Variants in RCOR3 observed in about 807,000 individuals in gnomAD.
The protein encoded by RCOR3 is REST corepressor 3.
A neutral mutation model predicts 64.1 loss-of-function variants in RCOR3; 13 were observed. The observed-to-expected ratio is 0.20, with a 90% CI of 0.13 to 0.32. The LOEUF (loss-of-function observed/expected upper bound fraction) is 0.32. Ranked by LOEUF, RCOR3 falls within the 10% of genes least tolerant of loss-of-function variation. The pLI is 1.00. For missense variants in RCOR3, 489 were observed against 701.2 expected, an observed-to-expected ratio of 0.70 and a Z score of 3.42; for synonymous variants, 215 against 239.0, an observed-to-expected ratio of 0.90 and a Z score of 0.93.
chr1:211,276,592 T>A (rs1339517592), intron 5 of RCOR3, among the ~76,000 whole-genome samples, 174 bp downstream of exon 5: 1 of 152,234 alleles, frequency 6.6e-6, no homozygotes, highest in African/African-American at 2.4e-5. Context: ...TACATGACAG[T>A]TATGTGCTAT....
intron 2 of RCOR3, among the ~76,000 whole-genome samples, chr1:211,263,637 GTTA>G (rs1239682234): frequency 6.6e-6 from 1 of 152,044 alleles, no homozygotes; most frequent in African/African-American, 2.4e-5. Flanking sequence ...TAGATTATTA[GTTA>G]TTGGGCATTT....
Position 211,292,633 on chromosome 1 carries a change from A to G in RCOR3, c.940-3043A>G, listed in dbSNP as rs535815247. Among the ~76,000 whole-genome samples the G allele has an allele frequency of 2.0e-5, 3 of 152,316 alleles. No individual in the cohort carries two copies. The South Asian group carries it at 6.2e-4, about 32-fold the overall frequency. On this transcript the variant is annotated intron_variant, in intron 8 of 11. Coordinates refer to ENST00000419091, the MANE Select transcript of RCOR3 (RefSeq NM_001136223.3). ...GCTACTTTTATGTCACAAACATCTC[A>G]TATGCAGTGTTCAAACTGAGTTCTT... is the stretch of plus-strand genomic sequence containing the variant.
At chr1:211,283,217 G>C (rs1698065127) in intron 7 of RCOR3, among the ~76,000 whole-genome samples, 1 of 152,204 alleles carries the variant, frequency 6.6e-6, no homozygotes, top group Non-Finnish European at 1.5e-5. Flanking sequence ...AGAAATTATG[G>C]AGGTGTTTTC....
Position 211,260,154 on chromosome 1 carries a change from A to T in RCOR3, c.213A>T (p.Glu71Asp). 1 of 1,611,994 alleles carries T rather than the reference A, an allele frequency of 6.2e-7. No homozygotes were observed. The highest frequency in any genetic ancestry group is 8.5e-7 in the Non-Finnish European group (1 of 1,178,794). ...VGAEYQARIPEFDPGATKYTD... is the reference protein window; with the variant it reads ...VGAEYQARIPDFDPGATKYTD... The stretch of plus-strand genomic sequence containing the variant: ...CCGAATACCAAGCTCGGATCCCTGA[A>T]TTTGATCCAGGTAGATATATTTGCT... Residue 71 changes from glutamate to aspartate, a missense_variant, in exon 2 of 12, where the codon GAA (glutamate) becomes GAT (aspartate). This residue lies in a region of RCOR3 where 402 missense variants were observed against 617.0 expected (regional missense o/e 0.65). Coordinates refer to ENST00000419091, the MANE Select transcript of RCOR3 (RefSeq NM_001136223.3).
intron 9 of RCOR3, 31 bp from the exon 10 acceptor site, chr1:211,304,052 C>CTAA: frequency 6.5e-7 from 1 of 1,529,784 alleles, no homozygotes; most frequent in Non-Finnish European, 8.9e-7. Context: ...TCTTCATATC[C>CTAA]TCATTAGGAA....
chr1:211,260,922 C>T (rs549682359), intron 2 of RCOR3: 1 of 152,352 alleles, frequency 6.6e-6, no homozygotes, highest in East Asian at 1.9e-4. Context: ...TACTTTTCTC[C>T]AAACAGGCTC....
At chr1:211,293,789 G>A (rs1288016723) in intron 8 of RCOR3, among the ~76,000 whole-genome samples, 1 of 152,104 alleles carries the variant, frequency 6.6e-6, no homozygotes. Flanking sequence ...CATTTTAGCT[G>A]TGGTTTTAAG....
At chr1:211,276,461 A>T (rs759634765) in intron 5 of RCOR3, 43 bp downstream of exon 5, 1 of 1,511,418 alleles carries the variant, frequency 6.6e-7, no homozygotes, top group Non-Finnish European at 9.0e-7. Context: ...TGTGAATGAT[A>T]TCTTAAGCTA....
At position 211,289,277 on chromosome 1, in the gene RCOR3, C is replaced by A; in HGVS notation, c.820C>A (p.Arg274Ser). 1 of 1,614,064 alleles carries A rather than the reference C, an allele frequency of 6.2e-7. No homozygotes were observed. Among genetic ancestry groups the A allele is most frequent in the South Asian group, 1.1e-5 (1 of 91,072 alleles). Residue 274 changes from arginine (R) to serine (S), a missense_variant, in exon 8 of 12, where the codon CGT becomes AGT. Coordinates refer to ENST00000419091, the MANE Select transcript of RCOR3 (RefSeq NM_001136223.3). ...HRHHSQRSKC[R>S]PPKGMYLTQE... ...CCATCATTCTCAGCGTTCTAAGTGC[C>A]GTCCACCTAAGGGCATGTATTTAAC...
chr1:211,259,518 C>T lies in RCOR3; in HGVS notation c.-43C>T, dbSNP rs1004355333. ...TAAGCCATCTCCGCCTTCACCCTGA[C>T]GCCTGCCTCTTCCCCTCACCTTTCC... is the stretch of plus-strand genomic sequence containing the variant. On this transcript the variant is annotated 5_prime_UTR_variant, in exon 1 of 12. In the 5' UTR this introduces an upstream ATG that the reference lacks. Transcript: ENST00000419091. 1.3e-6 allele frequency: 2 copies of T among 1,532,316 alleles called. No homozygotes were observed. The highest frequency in any genetic ancestry group is 2.0e-5 in the Admixed American group (1 of 49,244). The allele number at this position is 1,532,316 out of a possible 1,614,324, so 94.9% of individuals were successfully genotyped here. A position where few individuals can be genotyped will look rare whatever the true frequency, so the allele number is the denominator to read the frequency against.
intron 8 of RCOR3, among the ~76,000 whole-genome samples, chr1:211,290,941 T>C (rs1312902968): frequency 6.6e-6 from 1 of 151,850 alleles, no homozygotes; most frequent in Non-Finnish European, 1.5e-5. Flanking sequence ...TTTCCAGCTA[T>C]ATCTTTTGCA....
At chr1:211,308,396 T>G (rs1701081908) in intron 10 of RCOR3, among the ~76,000 whole-genome samples, 1 of 152,116 alleles carries the variant, frequency 6.6e-6, no homozygotes, top group Non-Finnish European at 1.5e-5. Context: ...TTGAAGAGAT[T>G]TACAGGAAGT....
intron 1 of RCOR3, 40 bp downstream of exon 1, chr1:211,259,766 C>G (rs1311987703): frequency 7.1e-7 from 1 of 1,407,722 alleles, no homozygotes; most frequent in South Asian, 1.4e-5. Context: ...CCGCCTGCCC[C>G]CCTCCCTCTT....
At chr1:211,270,333 G>T (rs1571817152) in intron 2 of RCOR3, among the ~76,000 whole-genome samples, 2 of 152,110 alleles carry the variant, frequency 1.3e-5, no homozygotes, top group African/African-American at 4.8e-5. Context: ...AAAGTGCTGG[G>T]ATTACAGGCA....
rs1207695344 is a variant in RCOR3 at position 211,314,559 on chromosome 1, G to A, written c.*791G>A. ...TTGCATACAAATGAGGACTTAATTTGTTGAAATATAATCTCTTTAAGTTCC... is the reference window on the plus strand; with the variant it reads ...TTGCATACAAATGAGGACTTAATTTATTGAAATATAATCTCTTTAAGTTCC... On this transcript the variant is annotated 3_prime_UTR_variant, in exon 12 of 12. Transcript: ENST00000419091. The A allele has an allele frequency of 6.6e-6, 1 of 152,100 alleles. No homozygotes were observed. Among genetic ancestry groups the A allele is most frequent in the Non-Finnish European group, 1.5e-5 (1 of 67,990 alleles). The allele number at this position is 152,100 out of a possible 1,614,324, so 9.4% of individuals were successfully genotyped here. A position where few individuals can be genotyped will look rare whatever the true frequency, so the allele number is the denominator to read the frequency against.
At chr1:211,281,295 TACTC>T (rs1214690339) in intron 7 of RCOR3, among the ~76,000 whole-genome samples, 5 of 152,206 alleles carry the variant, frequency 3.3e-5, no homozygotes, top group Non-Finnish European at 7.3e-5. Context: ...ATCTTTTTCT[TACTC>T]TATTCCTTTT....
At chr1:211,299,158 A>G (rs1700132128) in intron 9 of RCOR3, among the ~76,000 whole-genome samples, 1 of 152,226 alleles carries the variant, frequency 6.6e-6, no homozygotes. Context: ...ATAAATTAGA[A>G]CAGGGAAACT....
intron 2 of RCOR3, among the ~76,000 whole-genome samples, chr1:211,265,206 A>G (rs1338561610): frequency 2.0e-5 from 3 of 152,242 alleles, no homozygotes; most frequent in African/African-American, 7.2e-5. Flanking sequence ...TCTGTAGTGT[A>G]TTGAAAATAT....
chr1:211,263,023 TG>T (rs1402678757), intron 2 of RCOR3, among the ~76,000 whole-genome samples: 3 of 65,416 alleles, frequency 4.6e-5, no homozygotes, highest in African/African-American at 1.7e-4. Flanking sequence ...CCCTCCCCCC[TG>T]CCCCCACCCC....
Sources: allele counts gnomAD v4.1 joint callset (sites outside exome capture counted in the v4.1 genomes callset), GRCh38; gene constraint gnomAD v4.1.1; regional missense constraint gnomAD v4.1.1; transcripts MANE v1.5; gene names NCBI Gene and HGNC (gene_info 2026-07-23, HGNC 2026-07-21).